Variants in ANKS1B observed in about 807,000 individuals in gnomAD.
The protein encoded by ANKS1B is ankyrin repeat and sterile alpha motif domain-containing protein 1B.
In ANKS1B, 36 loss-of-function variants were observed where a neutral mutation model predicts 148.3. That is an observed-to-expected ratio of 0.24 (90% CI 0.19 to 0.32). ANKS1B has a LOEUF of 0.32. Ranked by LOEUF, ANKS1B falls within the 10% of genes least tolerant of loss-of-function variation. The probability of loss-of-function intolerance (pLI) is 1.00; values close to 1 mark genes in which losing one functional copy is unlikely to be tolerated. For missense variants in ANKS1B, 1,157 were observed against 1,542.6 expected, an observed-to-expected ratio of 0.75 and a Z score of 4.19; for synonymous variants, 542 against 560.8, an observed-to-expected ratio of 0.97 and a Z score of 0.47.
At chr12:99,707,812 T>C (rs2056050706) in intron 8 of ANKS1B, among the ~76,000 whole-genome samples, 1 of 152,124 alleles carries the variant, frequency 6.6e-6, no homozygotes, top group African/African-American at 2.4e-5. Flanking sequence ...TTAGAGTTAT[T>C]ATAACTATAT....
At chr12:99,441,876 A>G (rs1233129967) in intron 11 of ANKS1B, among the ~76,000 whole-genome samples, 1 of 152,004 alleles carries the variant, frequency 6.6e-6, no homozygotes, top group African/African-American at 2.4e-5. Context: ...GATTTATGAA[A>G]TAATGCCTCA....
chr12:99,148,470 C>T (rs1261006695), intron 15 of ANKS1B, among the ~76,000 whole-genome samples: 1 of 151,952 alleles, frequency 6.6e-6, no homozygotes, highest in Non-Finnish European at 1.5e-5. Context: ...TGCACATGCC[C>T]TCATTTCTGA....
intron 9 of ANKS1B, among the ~76,000 whole-genome samples, chr12:99,605,398 T>C (rs1403064131): frequency 6.6e-6 from 1 of 152,010 alleles, no homozygotes; most frequent in African/African-American, 2.4e-5. Flanking sequence ...ACTACAATCA[T>C]TCTACTGTGC....
intron 14 of ANKS1B, among the ~76,000 whole-genome samples, chr12:99,162,787 C>A (rs1016341501): frequency 6.6e-6 from 1 of 152,142 alleles, no homozygotes; most frequent in African/African-American, 2.4e-5. Context: ...ACTGGCCGGG[C>A]GTGGTGGCTC....
intron 12 of ANKS1B, among the ~76,000 whole-genome samples, chr12:99,370,243 A>G (rs2093052228): frequency 6.6e-6 from 1 of 152,170 alleles, no homozygotes; most frequent in Admixed American, 6.5e-5. Flanking sequence ...AAAGTTGATT[A>G]GACAAAGATC....
At chr12:98,859,316 G>A (rs988417407) in intron 17 of ANKS1B, among the ~76,000 whole-genome samples, 4 of 152,196 alleles carry the variant, frequency 2.6e-5, no homozygotes, top group Non-Finnish European at 5.9e-5. Flanking sequence ...TTTCTGGCAA[G>A]AGCAGCAAAT....
At chr12:99,582,824 T>C (rs1353016641) in intron 9 of ANKS1B, among the ~76,000 whole-genome samples, 1 of 152,166 alleles carries the variant, frequency 6.6e-6, no homozygotes, top group African/African-American at 2.4e-5. Context: ...TCATTGTATG[T>C]AAATGACATG....
intron 8 of ANKS1B, among the ~76,000 whole-genome samples, chr12:99,665,973 A>G (rs2098504843): frequency 6.6e-6 from 1 of 152,038 alleles, no homozygotes; most frequent in South Asian, 2.1e-4. Context: ...TTCTATATTG[A>G]GTTAATTTTC....
intron 15 of ANKS1B, among the ~76,000 whole-genome samples, chr12:99,092,622 C>G (rs2054446811): frequency 6.6e-6 from 1 of 152,134 alleles, no homozygotes; most frequent in Non-Finnish European, 1.5e-5. Flanking sequence ...ACACCTTGCT[C>G]CGAACAGGCA....
intron 23 of ANKS1B, 151 bp from the exon 24 acceptor site, chr12:98,781,354 C>A (rs1286417266): frequency 1.5e-6 from 1 of 684,004 alleles, no homozygotes; most frequent in Non-Finnish European, 2.7e-6. Flanking sequence ...CAGATACACA[C>A]CACGCACACT....
Position 99,249,329 on chromosome 12 carries a change from G to A in ANKS1B, c.1757-2465C>T, listed in dbSNP as rs139552495. Among the ~76,000 whole-genome samples the A allele has an allele frequency of 4.6e-3, 696 of 152,206 alleles. 9 individuals are homozygous for A. The highest frequency in any genetic ancestry group is 0.016 in the African/African-American group (661 of 41,528). On this transcript the variant is annotated intron_variant, in intron 12 of 26. Coordinates refer to ENST00000683438, the MANE Select transcript of ANKS1B (RefSeq NM_001352186.2). Reference sequence around the variant, plus strand: ...TTTTAGGGGCGTAATATTATTTAAAGTTTTCTGCAAATATTATTATTAGGT... The same window carrying A: ...TTTTAGGGGCGTAATATTATTTAAAATTTTCTGCAAATATTATTATTAGGT...
At chr12:99,233,396 T>G (rs2087234200) in intron 14 of ANKS1B, among the ~76,000 whole-genome samples, 1 of 152,100 alleles carries the variant, frequency 6.6e-6, no homozygotes, top group Admixed American at 6.6e-5. Flanking sequence ...CAGGTCCATC[T>G]AACTTCAAAA....
intron 17 of ANKS1B, among the ~76,000 whole-genome samples, chr12:98,929,505 T>C (rs991202497): frequency 6.6e-6 from 1 of 152,082 alleles, no homozygotes; most frequent in African/African-American, 2.4e-5. Context: ...GATGAAGAAC[T>C]CATACTTCCT....
chr12:99,650,441 G>A (rs1226071269), intron 9 of ANKS1B, among the ~76,000 whole-genome samples: 1 of 152,132 alleles, frequency 6.6e-6, no homozygotes, highest in Non-Finnish European at 1.5e-5. Flanking sequence ...TGTGTAAATG[G>A]TAGTGTTGAG....
intron 10 of ANKS1B, among the ~76,000 whole-genome samples, chr12:99,483,808 C>T (rs2152942789): frequency 6.6e-6 from 1 of 151,884 alleles, no homozygotes; most frequent in African/African-American, 2.4e-5. Flanking sequence ...CAGTAGCATC[C>T]AATGATCTTT....
chr12:99,872,919 AAAG>A (rs1490009906), intron 1 of ANKS1B, among the ~76,000 whole-genome samples: 3 of 152,140 alleles, frequency 2.0e-5, no homozygotes, highest in Non-Finnish European at 2.9e-5. Context: ...TACATTATAA[AAAG>A]AAGTTTTGTC....
chr12:99,093,066 T>G (rs1003583336), intron 15 of ANKS1B, among the ~76,000 whole-genome samples: 2 of 152,152 alleles, frequency 1.3e-5, no homozygotes, highest in African/African-American at 4.8e-5. Flanking sequence ...GGGGACATTT[T>G]CTGGATGGAG....
chr12:99,849,982 A>C (rs2087435362), intron 1 of ANKS1B, among the ~76,000 whole-genome samples: 1 of 152,148 alleles, frequency 6.6e-6, no homozygotes, highest in Admixed American at 6.5e-5. Flanking sequence ...AAAATGACAA[A>C]AACTAAGTCT....
chr12:99,806,915 C>A (rs1215913161), intron 3 of ANKS1B, among the ~76,000 whole-genome samples: 3 of 152,102 alleles, frequency 2.0e-5, no homozygotes, highest in East Asian at 1.9e-4. Flanking sequence ...CGAAAACAAT[C>A]CAACATTTCC....
Sources: gnomAD v4.1 joint callset for allele counts (sites outside exome capture counted in the v4.1 genomes callset) on GRCh38, gnomAD v4.1.1 for gene constraint, MANE v1.5 for transcripts, NCBI Gene and HGNC (gene_info 2026-07-23, HGNC 2026-07-21) for gene names.